Variants in VDAC3 observed in about 807,000 individuals in gnomAD.
The protein encoded by VDAC3 is non-selective voltage-gated ion channel VDAC3.
In VDAC3, 7 loss-of-function variants were observed where a neutral mutation model predicts 33.9. That is an observed-to-expected ratio of 0.21 (90% confidence interval 0.12 to 0.39). The LOEUF is 0.39. Among genes scored for constraint, VDAC3 ranks in the 10% least tolerant of loss-of-function variants. The pLI is 1.00. For synonymous variants in VDAC3, 100 were observed against 122.4 expected, an observed-to-expected ratio of 0.82 and a Z score of 1.21; for missense variants, 261 against 334.5, an observed-to-expected ratio of 0.78 and a Z score of 1.71.
intron 6 of VDAC3, 88 bp from the exon 7 acceptor site, chr8:42,401,696 TGAGA>T (rs1393252800): frequency 1.8e-6 from 2 of 1,108,354 alleles, no homozygotes; most frequent in Non-Finnish European, 1.3e-6. Context: ...CATTGGGAGA[TGAGA>T]GAGAGGATCT....
rs1323569365 is a variant in VDAC3 at position 42,398,798 on chromosome 8, A to G, written c.204A>G (p.Gly68=). The change falls in exon 5 of 10, where the codon GGA becomes GGG. Residue 68 remains glycine (G), a synonymous_variant. Transcript: ENST00000022615. ...CCAAATATAAGGTCTGTAACTATGGACTTACCTTCACCCAGAAATGGAACA... is the reference window on the plus strand; with the variant it reads ...CCAAATATAAGGTCTGTAACTATGGGCTTACCTTCACCCAGAAATGGAACA... ...LETKYKVCNY[G]LTFTQKWNTD... The G allele has an allele frequency of 6.2e-7, 1 of 1,614,016 alleles. No individual in the cohort carries two copies. The highest frequency in any genetic ancestry group is 8.5e-7 in the Non-Finnish European group (1 of 1,179,984).
intron 8 of VDAC3, 80 bp from the exon 9 acceptor site, chr8:42,404,787 C>A: frequency 8.2e-7 from 1 of 1,218,018 alleles, no homozygotes; most frequent in Non-Finnish European, 1.2e-6. Context: ...GCATTGGAAA[C>A]CTAATGCACA....
chr8:42,398,595 G>C (rs1302069088), intron 4 of VDAC3, 117 bp from the exon 5 acceptor site: 5 of 1,101,806 alleles, frequency 4.5e-6, no homozygotes, highest in African/African-American at 1.6e-5. Flanking sequence ...CTCTAGAGTA[G>C]GGCTGTGGCA....
intron 5 of VDAC3, 27 bp downstream of exon 5, chr8:42,398,891 A>G (rs1802366118): frequency 4.3e-6 from 7 of 1,609,886 alleles, no homozygotes; most frequent in Non-Finnish European, 5.9e-6. Flanking sequence ...GAAGTTATTC[A>G]TAGGTTCAAT....
Position 42,394,232 on chromosome 8 carries a change from C to T in VDAC3, c.21C>T (p.Tyr7=). 6.2e-7 allele frequency: 1 copy of T among 1,613,722 alleles called. No homozygotes were observed. Among genetic ancestry groups the T allele is most frequent in the Non-Finnish European group, 8.5e-7 (1 of 1,179,770 alleles). MCNTPT[Y]CDLGKAAKDV... ...AAGATATGTGTAACACACCAACGTA[C>T]TGTGACCTAGGAAAGGCTGCTAAGG... The change falls in exon 3 of 10, where the codon TAC becomes TAT. Residue 7 remains tyrosine, a synonymous_variant. Transcript: ENST00000022615.
chr8:42,404,784 A>G (rs1802470692), intron 8 of VDAC3, 83 bp from the exon 9 acceptor site: 1 of 1,218,606 alleles, frequency 8.2e-7, no homozygotes, highest in African/African-American at 1.5e-5. Flanking sequence ...TTAGCATTGG[A>G]AACCTAATGC....
chr8:42,398,703 G>T lies in VDAC3; in HGVS notation c.118-9G>T, dbSNP rs1021024446. 1.9e-6 allele frequency: 3 copies of T among 1,594,334 alleles called. No individual in the cohort carries two copies. Among genetic ancestry groups the T allele is most frequent in the East Asian group, 2.2e-5 (1 of 44,708 alleles). On this transcript the variant is annotated splice_polypyrimidine_tract_variant and intron_variant, in intron 4 of 9. Transcript: ENST00000022615. ...AATTTTAAAGTAATTATTTTTTCTTGCTTACCAGGAATTTTCTACTTCTGG... is the reference window on the plus strand; with the variant it reads ...AATTTTAAAGTAATTATTTTTTCTTTCTTACCAGGAATTTTCTACTTCTGG...
At chr8:42,400,043 G>A (rs1463906096) in intron 6 of VDAC3, among the ~76,000 whole-genome samples, 2 of 152,184 alleles carry the variant, frequency 1.3e-5, no homozygotes, top group African/African-American at 4.8e-5. Context: ...TGCTGAGAAA[G>A]TTAATTCCTT....
intron 3 of VDAC3, among the ~76,000 whole-genome samples, chr8:42,394,574 A>G (rs1305930207): frequency 6.6e-6 from 1 of 152,232 alleles, no homozygotes; most frequent in African/African-American, 2.4e-5. Context: ...CCCTGAGGAC[A>G]ATTAAATTAG....
In VDAC3 at chr8:42,394,273, G is replaced by T; in HGVS notation, c.62G>T (p.Gly21Val). 1 of 1,613,160 alleles carries T rather than the reference G, an allele frequency of 6.2e-7. No individual in the cohort carries two copies. Among genetic ancestry groups the T allele is most frequent in the African/African-American group, 1.3e-5 (1 of 74,992 alleles). The change falls in exon 3 of 10, where the codon GGA (glycine) becomes GTA (valine). Residue 21 changes from glycine to valine, a missense_variant. Physicochemically the swap from Gly to Val is moderately radical, Grantham distance 109 (BLOSUM62 -3). Coordinates refer to ENST00000022615, the MANE Select transcript of VDAC3 (RefSeq NM_005662.7). ...GCTGCTAAGGATGTCTTCAACAAAG[G>T]ATATGGTAAGTATGCTATTGTAACT... Reference protein sequence around the residue: ...GKAAKDVFNKGYGFGMVKIDL... With the variant: ...GKAAKDVFNKVYGFGMVKIDL...
At chr8:42,403,605 C>A in intron 8 of VDAC3, 144 bp downstream of exon 8, 1 of 952,722 alleles carries the variant, frequency 1.0e-6, no homozygotes, top group Non-Finnish European at 1.5e-6. Flanking sequence ...ATAATGTGGC[C>A]AGGCTCACGC....
At chr8:42,397,887 C>T (rs764923033) in intron 4 of VDAC3, among the ~76,000 whole-genome samples, 23 of 152,176 alleles carry the variant, frequency 1.5e-4, no homozygotes, top group Non-Finnish European at 2.5e-4. Context: ...TACTTAATGC[C>T]ACTTCACTGT....
chr8:42,398,952 T>G, intron 5 of VDAC3, 88 bp downstream of exon 5: 1 of 1,471,594 alleles, frequency 6.8e-7, no homozygotes, highest in Non-Finnish European at 9.2e-7. Flanking sequence ...TCAAAAGAGA[T>G]CTTACAACCT....
chr8:42,399,009 T>C, intron 5 of VDAC3, 145 bp downstream of exon 5: 1 of 850,466 alleles, frequency 1.2e-6, no homozygotes, highest in Non-Finnish European at 1.7e-6. Context: ...TTTTGATGTC[T>C]TATGTTTCTA....
chr8:42,405,015 T>A, intron 9 of VDAC3, 91 bp downstream of exon 9: 1 of 1,183,468 alleles, frequency 8.4e-7, no homozygotes, highest in South Asian at 1.3e-5. Context: ...GTAGTCACTG[T>A]AAGTTGATTT....
intron 4 of VDAC3, 23 bp downstream of exon 4, chr8:42,395,156 A>G (rs1468133259): frequency 1.2e-6 from 2 of 1,613,330 alleles, no homozygotes; most frequent in African/African-American, 2.7e-5. Flanking sequence ...TATATTTTTA[A>G]TGAATGTAAC....
At chr8:42,397,644 A>C (rs555350323) in intron 4 of VDAC3, 1 of 152,344 alleles carries the variant, frequency 6.6e-6, no homozygotes, top group Admixed American at 6.5e-5. Context: ...ACTAGGGCAA[A>C]GGATGTATTT....
At chr8:42,392,615 T>G (rs1193822709) in intron 1 of VDAC3, among the ~76,000 whole-genome samples, 1 of 152,224 alleles carries the variant, frequency 6.6e-6, no homozygotes, top group Non-Finnish European at 1.5e-5. Context: ...TTGAGGTCAG[T>G]TAGTATACTA....
chr8:42,402,540 T>G (rs971728594), intron 7 of VDAC3, among the ~76,000 whole-genome samples: 1 of 152,246 alleles, frequency 6.6e-6, no homozygotes, highest in African/African-American at 2.4e-5. Flanking sequence ...GATTCAGTTA[T>G]GTAGGCTGCA....
Sources: allele counts gnomAD v4.1 joint callset (sites outside exome capture counted in the v4.1 genomes callset), GRCh38; gene constraint gnomAD v4.1.1; transcripts MANE v1.5; gene names NCBI Gene and HGNC (gene_info 2026-07-23, HGNC 2026-07-21).